The following FTO variants were observed in gnomAD, a reference collection of about 807,000 sequenced individuals.
FTO encodes the protein alpha-ketoglutarate-dependent dioxygenase FTO.
FTO carries 47 observed loss-of-function variants against 63.9 expected under a neutral mutation model. The observed-to-expected ratio is 0.74, with a 90% CI of 0.58 to 0.94. The LOEUF is 0.94. Ranked by LOEUF, FTO falls within the 40% of genes least tolerant of loss-of-function variation. The pLI, the probability that FTO is intolerant of heterozygous loss-of-function variation, is 0.00. For missense variants in FTO, 562 were observed against 618.1 expected (o/e 0.91, Z 0.96); for synonymous variants, 207 against 224.4 (o/e 0.92, Z 0.69).
chr16:53,834,874 C>A (rs1009129489), intron 3 of FTO, among the ~76,000 whole-genome samples: 1 of 152,124 alleles, frequency 6.6e-6, no homozygotes, highest in Non-Finnish European at 1.5e-5. Flanking sequence ...TAGCTCTCTT[C>A]TTTCTCCCTG....
intron 7 of FTO, among the ~76,000 whole-genome samples, chr16:53,899,095 A>C (rs888478128): frequency 6.6e-6 from 1 of 152,216 alleles, no homozygotes; most frequent in Admixed American, 6.5e-5. Flanking sequence ...ATAATACCCC[A>C]AAACGTCTTT....
chr16:54,102,255 T>C (rs2086656885), intron 8 of FTO, among the ~76,000 whole-genome samples: 1 of 152,126 alleles, frequency 6.6e-6, no homozygotes. Context: ...AGAAATTTCA[T>C]GAAAAAGACA....
intron 8 of FTO, among the ~76,000 whole-genome samples, chr16:53,959,067 C>G (rs1390284359): frequency 6.6e-6 from 1 of 152,196 alleles, no homozygotes; most frequent in Non-Finnish European, 1.5e-5. Flanking sequence ...CCTCTCTGTG[C>G]CAAGTACTTT....
chr16:54,022,690 A>G (rs1223740052), intron 8 of FTO, among the ~76,000 whole-genome samples: 1 of 152,238 alleles, frequency 6.6e-6, no homozygotes, highest in East Asian at 1.9e-4. Flanking sequence ...CAACAAGATT[A>G]TACATTTGGA....
At chr16:53,932,017 A>C (rs1373478922) in intron 7 of FTO, among the ~76,000 whole-genome samples, 2 of 152,088 alleles carry the variant, frequency 1.3e-5, no homozygotes. Flanking sequence ...TGCCTTTTTT[A>C]GGCAGAACAT....
At chr16:53,980,554 G>A (rs1171308539) in intron 8 of FTO, among the ~76,000 whole-genome samples, 1 of 152,174 alleles carries the variant, frequency 6.6e-6, no homozygotes, top group Admixed American at 6.5e-5. Context: ...TGAAAAGGCG[G>A]CTGAGGCCCT....
At chr16:53,873,191 G>A (rs1017096193) in intron 4 of FTO, among the ~76,000 whole-genome samples, 1 of 151,748 alleles carries the variant, frequency 6.6e-6, no homozygotes, top group East Asian at 1.9e-4. Flanking sequence ...TCCAAATTCT[G>A]GTTTATTCTA....
chr16:53,737,984 C>T (rs978186432), intron 1 of FTO, among the ~76,000 whole-genome samples: 7 of 150,208 alleles, frequency 4.7e-5, no homozygotes, highest in African/African-American at 1.5e-4. Context: ...GACAAGGTTT[C>T]GCTCTGTCAC....
chr16:53,867,856 G>T (rs1213673894), intron 4 of FTO, among the ~76,000 whole-genome samples: 1 of 152,024 alleles, frequency 6.6e-6, no homozygotes, highest in Non-Finnish European at 1.5e-5. Context: ...ATCAGTTTTT[G>T]CCTTATACAT....
At chr16:54,085,679 A>C (rs1244139907) in intron 8 of FTO, among the ~76,000 whole-genome samples, 1 of 152,210 alleles carries the variant, frequency 6.6e-6, no homozygotes, top group Non-Finnish European at 1.5e-5. Context: ...AGGAGCATAG[A>C]GATGATATAT....
intron 8 of FTO, among the ~76,000 whole-genome samples, chr16:54,095,841 G>A (rs1399411055): frequency 3.3e-5 from 5 of 152,210 alleles, no homozygotes; most frequent in African/African-American, 1.2e-4. Context: ...GAGCAGAAAG[G>A]TGGATGGAAC....
chr16:53,783,042 C>A (rs1041454676), intron 1 of FTO, among the ~76,000 whole-genome samples: 1 of 151,342 alleles, frequency 6.6e-6, no homozygotes, highest in African/African-American at 2.5e-5. Flanking sequence ...TAACAAACAT[C>A]GATTGAACCT....
chr16:54,038,676 A>C (rs1297613451), intron 8 of FTO, among the ~76,000 whole-genome samples: 1 of 152,148 alleles, frequency 6.6e-6, no homozygotes, highest in African/African-American at 2.4e-5. Context: ...AGTTCATGAG[A>C]GAGCTTGTTG....
In FTO at chr16:53,709,175, C is replaced by T. The variant is rs905340595; in HGVS notation, c.45+4946C>T. 7.2e-5 allele frequency among the ~76,000 whole-genome samples: 11 copies of T among 152,218 alleles called. No individual in the cohort carries two copies. The East Asian group carries it at 1.9e-3, about 27-fold the overall frequency. On this transcript the variant is annotated intron_variant, in intron 1 of 8. Transcript: ENST00000471389. ...TGAAATAACTTAGATCATATTTTCT[C>T]TCTTGTGATTGCTTATGCTATGGAC...
chr16:53,742,793 C>T (rs1275621535), intron 1 of FTO, among the ~76,000 whole-genome samples: 1 of 152,094 alleles, frequency 6.6e-6, no homozygotes, highest in Non-Finnish European at 1.5e-5. Flanking sequence ...GAAAAGAAAG[C>T]CCAATAAGAT....
intron 8 of FTO, among the ~76,000 whole-genome samples, chr16:53,936,320 C>A (rs750157997): frequency 2.6e-5 from 4 of 152,216 alleles, no homozygotes; most frequent in Non-Finnish European, 4.4e-5. Flanking sequence ...GTCTTGAGAT[C>A]TCAGAAGGAA....
At chr16:53,835,692 G>A (rs535470700) in intron 3 of FTO, among the ~76,000 whole-genome samples, 123 of 152,124 alleles carry the variant, frequency 8.1e-4, no homozygotes, top group African/African-American at 2.8e-3. Flanking sequence ...ATGCCCTTCA[G>A]TTGTTGGACA....
rs182161407 is a variant in FTO, at chr16:53,852,987, C to A, written c.895+8689C>A. On this transcript the variant is annotated intron_variant, in intron 4 of 8. Coordinates refer to ENST00000471389, the MANE Select transcript of FTO (RefSeq NM_001080432.3). Reference sequence around the variant, plus strand: ...ATTTCTTCTCATTGGACACCTTTGCCAATTCCATTAAAAAATCATTTTAGG... The same window carrying A: ...ATTTCTTCTCATTGGACACCTTTGCAAATTCCATTAAAAAATCATTTTAGG... Among the ~76,000 whole-genome samples the A allele has an allele frequency of 2.7e-4, 41 of 152,310 alleles. 1 individual carries two copies. In the East Asian group the frequency reaches 7.7e-3, roughly 29 times the overall value.
At chr16:53,787,208 G>A (rs1049376265) in intron 1 of FTO, among the ~76,000 whole-genome samples, 1 of 148,460 alleles carries the variant, frequency 6.7e-6, no homozygotes, top group Non-Finnish European at 1.5e-5. Context: ...AGCAGCGTTT[G>A]CTTTACAACT....
Sources: allele counts gnomAD v4.1 joint callset (sites outside exome capture counted in the v4.1 genomes callset), GRCh38; gene constraint gnomAD v4.1.1; transcripts MANE v1.5; gene names NCBI Gene and HGNC (gene_info 2026-07-23, HGNC 2026-07-21).